PTPRD: variants seen among roughly 807,000 people sequenced by gnomAD.
The protein encoded by PTPRD is protein tyrosine phosphatase receptor type D.
In PTPRD, 34 loss-of-function variants were observed where a neutral mutation model predicts 214.5. The observed-to-expected ratio is 0.16, with a 90% confidence interval of 0.12 to 0.21. The LOEUF (loss-of-function observed/expected upper bound fraction) is 0.21. Ranked by LOEUF, PTPRD falls within the 10% of genes least tolerant of loss-of-function variation. The pLI is 1.00. For synonymous variants in PTPRD, 1,128 were observed against 845.7 expected (o/e 1.33, Z -5.79); for missense variants, 2,545 against 2,398.7 (o/e 1.06, Z -1.27).
intron 8 of PTPRD, among the ~76,000 whole-genome samples, chr9:9,428,454 G>C (rs200025083): frequency 6.6e-6 from 1 of 151,972 alleles, no homozygotes. Context: ...AATAATAATC[G>C]GAGACTTTAA....
At chr9:9,471,739 C>G (rs1162254945) in intron 8 of PTPRD, among the ~76,000 whole-genome samples, 1 of 151,122 alleles carries the variant, frequency 6.6e-6, no homozygotes, top group Non-Finnish European at 1.5e-5. Context: ...TTTCTTTACA[C>G]AAACTTTTAG....
chr9:8,842,760 T>C (rs903767136), intron 11 of PTPRD, among the ~76,000 whole-genome samples: 6 of 152,192 alleles, frequency 3.9e-5, no homozygotes, highest in African/African-American at 1.4e-4. Flanking sequence ...TGGATTGGCC[T>C]GATCTGTGAC....
intron 11 of PTPRD, among the ~76,000 whole-genome samples, chr9:8,835,272 G>T (rs141768415): frequency 2.2e-4 from 33 of 152,322 alleles, no homozygotes; most frequent in African/African-American, 7.5e-4. Flanking sequence ...TCAGGTGCGT[G>T]GGCACAGAGA....
chr9:8,370,842 C>T (rs1341794282), intron 39 of PTPRD, among the ~76,000 whole-genome samples: 1 of 152,054 alleles, frequency 6.6e-6, no homozygotes, highest in African/African-American at 2.4e-5. Context: ...ATGGCCTTGC[C>T]ACCACTAGTA....
chr9:9,914,743 T>C (rs991392001), intron 5 of PTPRD, among the ~76,000 whole-genome samples: 1 of 152,018 alleles, frequency 6.6e-6, no homozygotes, highest in Non-Finnish European at 1.5e-5. Context: ...GCAGACACAC[T>C]CCCGGGCCAG....
At chr9:9,091,075 G>A (rs1021614045) in intron 10 of PTPRD, 21 of 1,478,072 alleles carry the variant, frequency 1.4e-5, no homozygotes, top group African/African-American at 8.3e-5. Context: ...GAGCGTCTTC[G>A]ATGCCTATGT....
intron 3 of PTPRD, among the ~76,000 whole-genome samples, chr9:10,311,919 T>C (rs901884404): frequency 6.6e-6 from 1 of 151,986 alleles, no homozygotes; most frequent in Non-Finnish European, 1.5e-5. Context: ...CATAGAGCTT[T>C]ATTTACCACT....
At chr9:10,177,870 C>A (rs1020246229) in intron 3 of PTPRD, among the ~76,000 whole-genome samples, 1 of 151,826 alleles carries the variant, frequency 6.6e-6, no homozygotes, top group Non-Finnish European at 1.5e-5. Flanking sequence ...TATCTACTAT[C>A]CACTTCCTTT....
intron 8 of PTPRD, among the ~76,000 whole-genome samples, chr9:9,411,751 A>C (rs2075506024): frequency 6.6e-6 from 1 of 152,246 alleles, no homozygotes; most frequent in Non-Finnish European, 1.5e-5. Flanking sequence ...TTAATGTTTT[A>C]AATTAACCAA....
rs72696622 is a variant in PTPRD, at chr9:8,546,062, T to C, written c.353-17283A>G. 3.2e-3 allele frequency among the ~76,000 whole-genome samples: 495 copies of C among 152,336 alleles called. 1 individual carries two copies. The highest frequency in any genetic ancestry group is 4.0e-3 in the Non-Finnish European group (272 of 68,026). On this transcript the variant is annotated intron_variant, in intron 14 of 45. Transcript: ENST00000381196. The stretch of plus-strand genomic sequence containing the variant: ...CACAGATCAGTGGTAACATCTGAGA[T>C]GCTTCACTTAACCGACCACATAGTG...
At chr9:9,426,793 CA>C (rs1367507190) in intron 8 of PTPRD, among the ~76,000 whole-genome samples, 7 of 152,262 alleles carry the variant, frequency 4.6e-5, no homozygotes, top group African/African-American at 1.4e-4. Context: ...CCCAGGCAAA[CA>C]GGGACTGGAG....
intron 8 of PTPRD, among the ~76,000 whole-genome samples, chr9:9,426,773 G>A (rs1001401153): frequency 2.6e-5 from 4 of 152,094 alleles, no homozygotes; most frequent in East Asian, 3.9e-4. Context: ...TGCACCCTCC[G>A]CTGGTGATAC....
intron 3 of PTPRD, among the ~76,000 whole-genome samples, chr9:10,303,475 C>T (rs972034887): frequency 6.6e-6 from 1 of 151,896 alleles, no homozygotes; most frequent in African/African-American, 2.4e-5. Flanking sequence ...AATCCAGGAG[C>T]TGTTTTTTAT....
At chr9:9,515,830 T>C (rs1235564875) in intron 8 of PTPRD, among the ~76,000 whole-genome samples, 1 of 152,192 alleles carries the variant, frequency 6.6e-6, no homozygotes, top group African/African-American at 2.4e-5. Flanking sequence ...ATTTTTGTTA[T>C]AATGTTCTTT....
intron 11 of PTPRD, among the ~76,000 whole-genome samples, chr9:8,826,213 G>T (rs1402173812): frequency 8.2e-6 from 1 of 121,388 alleles, no homozygotes; most frequent in Non-Finnish European, 1.8e-5. Flanking sequence ...CTCTCATCCA[G>T]ACTACCTATA....
Position 10,023,305 on chromosome 9 carries a change from G to A in PTPRD, c.-472+10413C>T, listed in dbSNP as rs1259962139. Reference sequence around the variant, plus strand: ...ACTTTTCTAATAATGGAGAATTCAGGGCTTCCATTGGGAAAGGAACCTGGG... The same window carrying A: ...ACTTTTCTAATAATGGAGAATTCAGAGCTTCCATTGGGAAAGGAACCTGGG... On this transcript the variant is annotated intron_variant, in intron 4 of 45. Transcript: ENST00000381196. Among the ~76,000 whole-genome samples, 3 of 151,998 alleles carry A rather than the reference G, an allele frequency of 2.0e-5. No individual in the cohort carries two copies. In the East Asian group the frequency reaches 5.8e-4, roughly 29 times the overall value.
chr9:9,198,331 G>A (rs1593374772), intron 9 of PTPRD, among the ~76,000 whole-genome samples: 1 of 151,796 alleles, frequency 6.6e-6, no homozygotes, highest in African/African-American at 2.4e-5. Flanking sequence ...GTTAATTTTT[G>A]TACCCTAAGT....
rs2090952144 is a variant in PTPRD at position 9,447,819 on chromosome 9, A to T, written c.-236-50337T>A. 3.9e-5 allele frequency among the ~76,000 whole-genome samples: 6 copies of T among 152,118 alleles called. No homozygotes were observed. In the South Asian group the frequency reaches 1.2e-3, roughly 31 times the overall value. ...CGCTGTTCTAGGGAAGGGAAAGATG[A>T]GTCTGAAGACACTGACGTAGAAATG... is the stretch of plus-strand genomic sequence containing the variant. On this transcript the variant is annotated intron_variant, in intron 8 of 45. Coordinates refer to ENST00000381196, the MANE Select transcript of PTPRD (RefSeq NM_002839.4).
chr9:8,906,803 C>T (rs528069964), intron 11 of PTPRD, among the ~76,000 whole-genome samples: 4 of 152,076 alleles, frequency 2.6e-5, no homozygotes, highest in East Asian at 2.0e-4. Context: ...ACTATCCAGA[C>T]GTTTAACAGG....
Sources: gnomAD v4.1 joint callset for allele counts (sites outside exome capture counted in the v4.1 genomes callset) on GRCh38, gnomAD v4.1.1 for gene constraint, MANE v1.5 for transcripts, NCBI Gene and HGNC (gene_info 2026-07-23, HGNC 2026-07-21) for gene names.